The following ZNF343 variants were observed in gnomAD, a reference collection of about 807,000 sequenced individuals.
ZNF343 encodes zinc finger protein 343.
In ZNF343, 11 loss-of-function variants were observed where a neutral mutation model predicts 13.8. The ratio of observed to expected loss-of-function variants is 0.80; its 90% CI spans 0.50 to 1.32. The LOEUF is 1.32. ZNF343 is among the 40% of genes most tolerant of loss of function. The probability of loss-of-function intolerance (pLI) is 0.00; values close to 1 mark genes in which losing one functional copy is unlikely to be tolerated. For missense variants in ZNF343, 658 were observed against 714.2 expected (o/e 0.92, Z 0.90); for synonymous variants, 248 against 260.0 (o/e 0.95, Z 0.44).
In ZNF343 at chr20:2,483,948, GACTT is replaced by G; in HGVS notation, c.1009_1012del (p.Lys337ProfsTer273). On this transcript the variant is annotated frameshift_variant, in exon 6 of 6. Transcript: ENST00000278772. LOFTEE classifies it low-confidence loss of function (END_TRUNC). ...AGTCCACTGATGTCTATTGAGGATGGACTTACTTCTAAAGCTTTGCCCACACTCC... is the reference window on the plus strand; with the variant it reads ...AGTCCACTGATGTCTATTGAGGATGGACTTCTAAAGCTTTGCCCACACTCC... The G allele has an allele frequency of 1.9e-6, 3 of 1,614,142 alleles. No individual in the cohort carries two copies. The highest frequency in any genetic ancestry group is 2.5e-6 in the Non-Finnish European group (3 of 1,180,028).
At chr20:2,520,670 G>A (rs886604142) in intron 1 of ZNF343, among the ~76,000 whole-genome samples, 3 of 152,106 alleles carry the variant, frequency 2.0e-5, no homozygotes, top group Non-Finnish European at 2.9e-5. Flanking sequence ...TGGGAAATGG[G>A]TCTGGGAAGA....
intron 5 of ZNF343, among the ~76,000 whole-genome samples, chr20:2,491,046 C>T (rs1023639507): frequency 6.6e-5 from 10 of 152,134 alleles, no homozygotes; most frequent in Admixed American, 2.6e-4. Context: ...GAAACAGCCA[C>T]GCCATTTGGA....
In ZNF343 at chr20:2,483,793, A is replaced by T. The variant is rs1306686700; in HGVS notation, c.1168T>A (p.Phe390Ile). The T allele has an allele frequency of 6.2e-7, 1 of 1,613,928 alleles. No homozygotes were observed. The highest frequency in any genetic ancestry group is 1.1e-5 in the South Asian group (1 of 91,080). Residue 390 changes from phenylalanine (F) to isoleucine (I), a missense_variant, in exon 6 of 6, where the codon TTT becomes ATT. Phe to Ile is a conservative substitution (Grantham distance 21). Coordinates refer to ENST00000278772, the MANE Select transcript of ZNF343 (RefSeq NM_024325.6). ...PYVCLECGRSFCDKSTLRKHQ... is the reference protein window; with the variant it reads ...PYVCLECGRSICDKSTLRKHQ... ...TTTCTGAGGGTTGACTTATCACAAA[A>T]GCTTCGTCCACACTCCAGGCACACA...
chr20:2,484,665 T>C lies in ZNF343; in HGVS notation c.305-9A>G. The C allele has an allele frequency of 6.4e-7, 1 of 1,571,758 alleles. No homozygotes were observed. The highest frequency in any genetic ancestry group is 8.6e-7 in the Non-Finnish European group (1 of 1,159,658). On this transcript the variant is annotated splice_polypyrimidine_tract_variant and intron_variant, in intron 5 of 5. Transcript: ENST00000278772. ...TTCTGGCTTTGGTTCTGCTGAAGAA[T>C]GAAAGTTTTCTGTTAGAGTAGCCAT...
intron 1 of ZNF343, among the ~76,000 whole-genome samples, chr20:2,516,492 G>A (rs766403954): frequency 6.6e-6 from 1 of 152,150 alleles, no homozygotes; most frequent in Non-Finnish European, 1.5e-5. Context: ...TGCACAGTGA[G>A]TGTGAGCGTG....
chr20:2,496,399 A>C (rs2085459669), intron 2 of ZNF343, among the ~76,000 whole-genome samples: 1 of 152,224 alleles, frequency 6.6e-6, no homozygotes, highest in Admixed American at 6.5e-5. Context: ...CAGTGGTGGC[A>C]GTTAAGAGCA....
chr20:2,497,516 A>G (rs1171222750), intron 2 of ZNF343, among the ~76,000 whole-genome samples: 1 of 152,246 alleles, frequency 6.6e-6, no homozygotes, highest in African/African-American at 2.4e-5. Context: ...ATTGCTGCCA[A>G]GAAGACAGAG....
upstream of ZNF343, among the ~76,000 whole-genome samples, chr20:2,512,524 A>G (rs1020848017): frequency 1.3e-5 from 2 of 152,242 alleles, no homozygotes; most frequent in Non-Finnish European, 2.9e-5. Context: ...GAAATGGTCA[A>G]TTGCTTTTCA....
intron 5 of ZNF343, among the ~76,000 whole-genome samples, chr20:2,489,476 T>G (rs899011418): frequency 1.3e-5 from 2 of 152,228 alleles, no homozygotes; most frequent in African/African-American, 4.8e-5. Flanking sequence ...CTGTGGGATT[T>G]GCTTTGGCCA....
intron 1 of ZNF343, among the ~76,000 whole-genome samples, chr20:2,502,444 T>C (rs1309078154): frequency 2.0e-5 from 3 of 152,016 alleles, no homozygotes; most frequent in Non-Finnish European, 2.9e-5. Flanking sequence ...AACACTGAAA[T>C]TCAGGAAATA....
intron 1 of ZNF343, among the ~76,000 whole-genome samples, chr20:2,501,872 C>T (rs1029776018): frequency 6.6e-6 from 1 of 152,186 alleles, no homozygotes; most frequent in Non-Finnish European, 1.5e-5. Flanking sequence ...AAAAACAGAG[C>T]AGAAAAACTG....
At chr20:2,494,596 C>T (rs2085426531) in intron 2 of ZNF343, among the ~76,000 whole-genome samples, 3 of 151,946 alleles carry the variant, frequency 2.0e-5, no homozygotes, top group Admixed American at 6.6e-5. Flanking sequence ...TAGCGAAATG[C>T]CGTCTCTACA....
rs1245230379 is a variant in ZNF343, at chr20:2,482,408, A to C, written c.*753T>G. 2 of 152,258 alleles carry C rather than the reference A, an allele frequency of 1.3e-5. No individual in the cohort carries two copies. The highest frequency in any genetic ancestry group is 3.9e-4 in the East Asian group (2 of 5,190). 9.4% of individuals were successfully genotyped at this position (152,258 alleles called of 1,614,324 possible). A position where few individuals can be genotyped will look rare whatever the true frequency, so the allele number is the denominator to read the frequency against. On this transcript the variant is annotated 3_prime_UTR_variant, in exon 6 of 6. Transcript: ENST00000278772. ...GGGCAGAGGAAGAAGCTGACCTGCA[A>C]TGTGTCTGCAACCCAGTGATCCTTC...
chr20:2,510,962 C>T (rs2085736082), upstream of ZNF343, among the ~76,000 whole-genome samples: 1 of 152,124 alleles, frequency 6.6e-6, no homozygotes, highest in Non-Finnish European at 1.5e-5. Context: ...TGTGGGTTCT[C>T]ATTGTCCACA....
In ZNF343 at chr20:2,494,550, CTT is replaced by C. The variant is rs769391554; in HGVS notation, c.-149-508_-149-507del. Among the ~76,000 whole-genome samples, 17 of 152,236 alleles carry C rather than the reference CTT, an allele frequency of 1.1e-4. No individual in the cohort carries two copies. In the South Asian group the frequency reaches 3.5e-3, roughly 32 times the overall value. The stretch of plus-strand genomic sequence containing the variant: ...TTGGGAGGCCACGGCAAGCTAATCA[CTT>C]AAGCTCAGGAGCTCAAGACCAGTCT... On this transcript the variant is annotated intron_variant, in intron 2 of 5. Coordinates refer to ENST00000278772, the MANE Select transcript of ZNF343 (RefSeq NM_024325.6).
At chr20:2,495,415 C>T (rs918463656) in intron 2 of ZNF343, 1 of 152,184 alleles carries the variant, frequency 6.6e-6, no homozygotes, top group African/African-American at 2.4e-5. Flanking sequence ...TGTAACTTGC[C>T]TTGGAAAATG....
At chr20:2,504,058 C>T (rs532051879) in intron 1 of ZNF343, among the ~76,000 whole-genome samples, 14 of 151,950 alleles carry the variant, frequency 9.2e-5, no homozygotes, top group Admixed American at 2.0e-4. Flanking sequence ...ATTGATAGAC[C>T]GCTAGCAAGA....
At chr20:2,515,820 G>A (rs1487086662) in intron 1 of ZNF343, among the ~76,000 whole-genome samples, 2 of 152,154 alleles carry the variant, frequency 1.3e-5, no homozygotes, top group Non-Finnish European at 2.9e-5. Flanking sequence ...ATGAGAGTGA[G>A]AGACAGGCTC....
chr20:2,516,880 G>A (rs2085761667), intron 1 of ZNF343, among the ~76,000 whole-genome samples: 1 of 152,072 alleles, frequency 6.6e-6, no homozygotes, highest in South Asian at 2.1e-4. Context: ...TGAGGTTCAG[G>A]GTCAAGGAGA....
Sources: gnomAD v4.1 joint callset for allele counts (sites outside exome capture counted in the v4.1 genomes callset) on GRCh38, gnomAD v4.1.1 for gene constraint, MANE v1.5 for transcripts, NCBI Gene and HGNC (gene_info 2026-07-23, HGNC 2026-07-21) for gene names.